The following SARDH variants were observed in gnomAD, a reference collection of about 807,000 sequenced individuals.
SARDH encodes sarcosine dehydrogenase, mitochondrial.
SARDH carries 95 observed loss-of-function variants against 109.1 expected under a neutral mutation model. The ratio of observed to expected loss-of-function variants is 0.87; its 90% CI spans 0.74 to 1.03. The LOEUF (loss-of-function observed/expected upper bound fraction) is 1.03, where lower values mean the gene tolerates loss of function less well. SARDH is among the 50% of genes least tolerant of loss of function. The probability of loss-of-function intolerance (pLI) is 0.00; values close to 1 mark genes in which losing one functional copy is unlikely to be tolerated. For synonymous variants in SARDH, 572 were observed against 534.8 expected, an observed-to-expected ratio of 1.07 and a Z score of -0.96; for missense variants, 1,267 against 1,287.8, an observed-to-expected ratio of 0.98 and a Z score of 0.25.
In SARDH at chr9:133,685,195, G is replaced by T; in HGVS notation, c.2161C>A (p.Leu721Met). 6.2e-7 allele frequency: 1 copy of T among 1,613,704 alleles called. No homozygotes were observed. Among genetic ancestry groups the T allele is most frequent in the Non-Finnish European group, 8.5e-7 (1 of 1,179,816 alleles). ...GGACGTGGCCAGCTGGAACCTACCA[G>T]GTGCCCTGCGGCTCTCAGTAGCTTG... ...THKLLRAAGH[L>M]VRAMRLSFVG... The change falls in exon 17 of 21, where the codon CTG (leucine) becomes ATG (methionine). Residue 721 changes from leucine to methionine, a missense_variant and splice_region_variant. Physicochemically the swap from Leu to Met is conservative, Grantham distance 15. Coordinates refer to ENST00000439388, the MANE Select transcript of SARDH (RefSeq NM_001134707.2).
In SARDH at chr9:133,719,002, A is replaced by T; in HGVS notation, c.956T>A (p.Leu319His). The T allele has an allele frequency of 6.2e-7, 1 of 1,614,182 alleles. No homozygotes were observed. Among genetic ancestry groups the T allele is most frequent in the Non-Finnish European group, 8.5e-7 (1 of 1,180,022 alleles). ...NVRDHDASVY[L>H]RLQGDALSVG... Reference sequence around the variant, plus strand: ...AGACAAGGCATCCCCTTGGAGGCGGAGGTAGACAGAGGCATCATGATCACG... The same window carrying T: ...AGACAAGGCATCCCCTTGGAGGCGGTGGTAGACAGAGGCATCATGATCACG... Residue 319 changes from leucine (L) to histidine (H), a missense_variant, in exon 7 of 21, where the codon CTC (leucine) becomes CAC (histidine). By Grantham distance (99) the Leu-to-His change is moderately conservative. Transcript: ENST00000439388.
chr9:133,663,748 G>A lies in SARDH; in HGVS notation c.*141C>T. ...CTTGGTCTCTGTCCGTATCTGGTTT[G>A]GGGGTTTTCGCAGGACTAGGCCTAG... On this transcript the variant is annotated 3_prime_UTR_variant, in exon 21 of 21. Coordinates refer to ENST00000439388, the MANE Select transcript of SARDH (RefSeq NM_001134707.2). 8.5e-7 allele frequency: 1 copy of A among 1,176,272 alleles called. No individual in the cohort carries two copies. Among genetic ancestry groups the A allele is most frequent in the Non-Finnish European group, 1.2e-6 (1 of 825,424 alleles). 72.9% of individuals were successfully genotyped at this position (1,176,272 alleles called of 1,614,324 possible). A position where few individuals can be genotyped will look rare whatever the true frequency, so the allele number is the denominator to read the frequency against.
In SARDH at chr9:133,666,644, C is replaced by T; in HGVS notation, c.2631+91G>A. 6.6e-7 allele frequency: 1 copy of T among 1,512,302 alleles called. No homozygotes were observed. The highest frequency in any genetic ancestry group is 8.9e-7 in the Non-Finnish European group (1 of 1,117,890). The allele number at this position is 1,512,302 out of a possible 1,614,324, so 93.7% of individuals were successfully genotyped here. A position where few individuals can be genotyped will look rare whatever the true frequency, so the allele number is the denominator to read the frequency against. ...ACCACACCCGTGCCTCCTCCCTATG[C>T]CCGGCACACTCAGGGTGCAGTGCAG... is the stretch of plus-strand genomic sequence containing the variant. On this transcript the variant is annotated intron_variant, in intron 20 of 20. Coordinates refer to ENST00000439388, the MANE Select transcript of SARDH (RefSeq NM_001134707.2). The surrounding 1 kb of genome is among the most constrained non-coding windows in gnomAD (Gnocchi z 5.2).
intron 14 of SARDH, among the ~76,000 whole-genome samples, chr9:133,695,022 T>C (rs902436584): frequency 6.6e-6 from 1 of 152,084 alleles, no homozygotes; most frequent in Admixed American, 6.5e-5. Context: ...AGGGGTTGAA[T>C]TGTGTCCCCC....
intron 15 of SARDH, 41 bp from the exon 16 acceptor site, chr9:133,690,568 C>T (rs1377719966): frequency 1.2e-5 from 19 of 1,579,524 alleles, no homozygotes; most frequent in Admixed American, 5.0e-5. Context: ...GATTTCAGGG[C>T]CTGGGAGGTG....
intron 6 of SARDH, among the ~76,000 whole-genome samples, 159 bp from the exon 7 acceptor site, chr9:133,719,201 A>T (rs1303647558): frequency 6.6e-6 from 1 of 152,186 alleles, no homozygotes; most frequent in Admixed American, 6.5e-5. Context: ...CGGGGCCTCA[A>T]GTTACACACA....
Position 133,704,806 on chromosome 9 carries a change from C to T in SARDH, c.1554+142G>A, listed in dbSNP as rs924682101. On this transcript the variant is annotated intron_variant, in intron 12 of 20. Coordinates refer to ENST00000439388, the MANE Select transcript of SARDH (RefSeq NM_001134707.2). This position sits in a 1 kb window ranked among gnomAD's most constrained non-coding sequence, Gnocchi z 4.5. ...GGCAGGTCGGCAGGGCTCGGCTTCC[C>T]GTGTGCAGAATAACTGATCACGACA... The T allele has an allele frequency of 7.2e-6, 5 of 692,212 alleles. No individual in the cohort carries two copies. Among genetic ancestry groups the T allele is most frequent in the East Asian group, 2.7e-5 (1 of 36,434 alleles). 42.9% of individuals were successfully genotyped at this position (692,212 alleles called of 1,614,324 possible). A position where few individuals can be genotyped will look rare whatever the true frequency, so the allele number is the denominator to read the frequency against.
At chr9:133,731,185 G>T in intron 4 of SARDH, 120 bp downstream of exon 4, 1 of 1,333,786 alleles carries the variant, frequency 7.5e-7, no homozygotes, top group Non-Finnish European at 1.0e-6. Flanking sequence ...GTCCTCACTG[G>T]CCCAAAGTCA....
intron 20 of SARDH, among the ~76,000 whole-genome samples, chr9:133,665,088 T>C (rs1830016163): frequency 7.0e-6 from 1 of 143,380 alleles, no homozygotes; most frequent in African/African-American, 2.6e-5. Flanking sequence ...GACTGTAGCA[T>C]TTGCCCATTT....
At chr9:133,720,495 T>C (rs1392175810) in intron 6 of SARDH, among the ~76,000 whole-genome samples, 1 of 152,210 alleles carries the variant, frequency 6.6e-6, no homozygotes, top group African/African-American at 2.4e-5. Context: ...ATTAGTGTGT[T>C]CTCACGCTGC....
At chr9:133,737,218 A>G (rs1832913462) in intron 1 of SARDH, among the ~76,000 whole-genome samples, 1 of 152,230 alleles carries the variant, frequency 6.6e-6, no homozygotes, top group Non-Finnish European at 1.5e-5. Flanking sequence ...GGGGGATCCC[A>G]GCTCTCAGGC....
intron 20 of SARDH, 117 bp from the exon 21 acceptor site, chr9:133,664,131 A>G: frequency 7.3e-7 from 1 of 1,363,938 alleles, no homozygotes; most frequent in South Asian, 1.4e-5. Context: ...GGGCAAACTC[A>G]TCCCTGTGCC....
rs1831559170 is a variant in SARDH, at chr9:133,703,213, G to C, written c.1555-184C>G. ...GCCCCCATGAGGTCCAGGCAAAACA[G>C]AGGCACAAAGGAGGCCGCAGGGTTG... is the stretch of plus-strand genomic sequence containing the variant. On this transcript the variant is annotated intron_variant, in intron 12 of 20. Transcript: ENST00000439388. 3 of 603,772 alleles carry C rather than the reference G, an allele frequency of 5.0e-6. No individual in the cohort carries two copies. In the Admixed American group the frequency reaches 8.2e-5, roughly 17 times the overall value. The allele number at this position is 603,772 out of a possible 1,614,324, so 37.4% of individuals were successfully genotyped here.
At chr9:133,690,896 C>T (rs1489310347) in intron 15 of SARDH, among the ~76,000 whole-genome samples, 2 of 152,138 alleles carry the variant, frequency 1.3e-5, no homozygotes, top group East Asian at 1.9e-4. Flanking sequence ...CCTCTCTGAG[C>T]CCCCATTTTC....
chr9:133,737,768 T>G (rs1832933482), intron 1 of SARDH, among the ~76,000 whole-genome samples: 1 of 152,194 alleles, frequency 6.6e-6, no homozygotes, highest in Non-Finnish European at 1.5e-5. Context: ...CCAGAGCCCC[T>G]CCTGCCTGCC....
chr9:133,660,314 G>T (rs1376271434), downstream of SARDH, among the ~76,000 whole-genome samples: 1 of 152,088 alleles, frequency 6.6e-6, no homozygotes, highest in East Asian at 1.9e-4. Context: ...GAGACCTAAA[G>T]TTAGGTGCCA....
chr9:133,661,115 G>A (rs1405530946), downstream of SARDH, among the ~76,000 whole-genome samples: 2 of 152,132 alleles, frequency 1.3e-5, no homozygotes, highest in Non-Finnish European at 2.9e-5. Flanking sequence ...TGAGGCGGGC[G>A]GATCACCTGA....
Position 133,704,952 on chromosome 9 carries a change from G to C in SARDH, c.1550C>G (p.Ala517Gly). The C allele has an allele frequency of 6.3e-7, 1 of 1,575,672 alleles. No homozygotes were observed. The change falls in exon 12 of 21, where the codon GCT (alanine) becomes GGT (glycine). Residue 517 changes from alanine to glycine, a missense_variant. Transcript: ENST00000439388. The surrounding 1 kb of genome is among the most constrained non-coding windows in gnomAD (Gnocchi z 4.5). ...AGCCCAGCAGGCACTACTCACCGGA[G>C]CTGGGCCTCGGGGATGAAACCATCC... ...RPGWFHPRGP[A>G]PVLEYDYYGA...
At position 133,708,317 on chromosome 9, in the gene SARDH, C is replaced by A. The variant is rs1282344072; in HGVS notation, c.1440G>T (p.Gly480=). ...GCAGCGGGTCTCTCCTCATGTTGCG[C>A]CCGGCCAGCGGCTCATCGTGGGGGA... ...VVFPHDEPLA[G]RNMRRDPLHE... The change falls in exon 11 of 21, where the codon GGG becomes GGT. Residue 480 remains glycine (G), a synonymous_variant. Transcript: ENST00000439388. The A allele has an allele frequency of 6.2e-7, 1 of 1,613,326 alleles. No homozygotes were observed. Among genetic ancestry groups the A allele is most frequent in the South Asian group, 1.1e-5 (1 of 91,070 alleles).
Sources: allele counts gnomAD v4.1 joint callset (sites outside exome capture counted in the v4.1 genomes callset), GRCh38; gene constraint gnomAD v4.1.1; non-coding constraint Gnocchi (gnomAD v3.1); transcripts MANE v1.5; gene names NCBI Gene and HGNC (gene_info 2026-07-23, HGNC 2026-07-21).